DOCK5: variants seen among roughly 807,000 people sequenced by gnomAD.
DOCK5 encodes the protein dedicator of cytokinesis 5.
In DOCK5, 142 loss-of-function variants were observed where a neutral mutation model predicts 251.8. The observed-to-expected ratio is 0.56, with a 90% CI of 0.49 to 0.65. DOCK5 has a LOEUF of 0.65. DOCK5 is among the 30% of genes least tolerant of loss of function. The pLI is 0.00. For missense variants in DOCK5, 2,111 were observed against 2,312.3 expected (o/e 0.91, Z 1.79); for synonymous variants, 842 against 835.5 (o/e 1.01, Z -0.13).
intron 5 of DOCK5, among the ~76,000 whole-genome samples, chr8:25,282,548 C>T (rs73673880): frequency 0.035 from 5,374 of 152,162 alleles, 331 homozygotes; most frequent in African/African-American, 0.12. Flanking sequence ...CAACACCAGA[C>T]GCTCTGTTTG....
At chr8:25,194,568 TC>T (rs1330793176) in intron 1 of DOCK5, among the ~76,000 whole-genome samples, 4 of 151,868 alleles carry the variant, frequency 2.6e-5, no homozygotes, top group Non-Finnish European at 5.9e-5. Context: ...CCGCCTTGGC[TC>T]TCATTCCCAT....
chr8:25,263,066 C>T (rs1586275907), intron 2 of DOCK5, among the ~76,000 whole-genome samples: 1 of 151,926 alleles, frequency 6.6e-6, no homozygotes, highest in African/African-American at 2.4e-5. Flanking sequence ...AGAGCTAATT[C>T]CTTTTTTTCT....
chr8:25,315,641 C>T (rs1039501656), intron 13 of DOCK5, among the ~76,000 whole-genome samples: 2 of 152,238 alleles, frequency 1.3e-5, no homozygotes, highest in East Asian at 1.9e-4. Context: ...ATAAACACCG[C>T]AATGAATATC....
chr8:25,296,500 C>A lies in DOCK5; in HGVS notation c.471-13C>A. ...TGGTGAGGAGAACCAGCTGACTACT[C>A]CTTTCTCTCCAGAATGCTGGGGTTA... On this transcript the variant is annotated splice_polypyrimidine_tract_variant and intron_variant, in intron 6 of 51. Transcript: ENST00000276440. 5.0e-6 allele frequency: 8 copies of A among 1,604,456 alleles called. No individual in the cohort carries two copies. Among genetic ancestry groups the A allele is most frequent in the Non-Finnish European group, 6.8e-6 (8 of 1,175,470 alleles).
In DOCK5 at chr8:25,206,261, T is replaced by C. The variant is rs1424757070; in HGVS notation, c.43+21310T>C. Among the ~76,000 whole-genome samples the C allele has an allele frequency of 2.0e-5, 3 of 152,198 alleles. 1 individual carries two copies. Among genetic ancestry groups the C allele is most frequent in the Admixed American group, 2.0e-4 (3 of 15,280 alleles). ...TAAAGTGGAAAAGAGGGAAATGATA[T>C]AGATTTTGTCAGATTATGGGGAGAC... is the stretch of plus-strand genomic sequence containing the variant. On this transcript the variant is annotated intron_variant, in intron 1 of 51. Coordinates refer to ENST00000276440, the MANE Select transcript of DOCK5 (RefSeq NM_024940.8).
intron 21 of DOCK5, among the ~76,000 whole-genome samples, chr8:25,334,929 C>T (rs1357872910): frequency 3.3e-5 from 5 of 152,162 alleles, no homozygotes; most frequent in African/African-American, 1.2e-4. Context: ...ATTTCGTTTT[C>T]CCATCTTTTG....
intron 1 of DOCK5, among the ~76,000 whole-genome samples, chr8:25,221,317 G>T (rs1272839620): frequency 6.6e-6 from 1 of 152,000 alleles, no homozygotes; most frequent in African/African-American, 2.4e-5. Context: ...TTTTTTGTTT[G>T]TTTGTTTTTT....
At chr8:25,303,106 GAGA>G (rs1563194622) in intron 10 of DOCK5, among the ~76,000 whole-genome samples, 1 of 152,184 alleles carries the variant, frequency 6.6e-6, no homozygotes, top group East Asian at 1.9e-4. Flanking sequence ...AATAGAGGAA[GAGA>G]AGGAGGAAAG....
At chr8:25,363,223 T>A in intron 29 of DOCK5, 82 bp downstream of exon 29, 1 of 1,168,910 alleles carries the variant, frequency 8.6e-7, no homozygotes, top group Non-Finnish European at 1.3e-6. Flanking sequence ...TGTCTTTAAA[T>A]CCCTTTGCCT....
intron 48 of DOCK5, among the ~76,000 whole-genome samples, chr8:25,406,702 G>A (rs1008433634): frequency 6.6e-6 from 1 of 151,548 alleles, no homozygotes; most frequent in Non-Finnish European, 1.5e-5. Context: ...ATCTCGGCTC[G>A]CTGCAACCTC....
intron 1 of DOCK5, among the ~76,000 whole-genome samples, chr8:25,223,839 C>T (rs1028083274): frequency 3.5e-4 from 53 of 152,148 alleles, no homozygotes; most frequent in African/African-American, 1.2e-3. Context: ...CAGCGAGACC[C>T]TGTACTTTAT....
chr8:25,290,102 T>C (rs1329190505), intron 5 of DOCK5, among the ~76,000 whole-genome samples: 1 of 152,138 alleles, frequency 6.6e-6, no homozygotes, highest in Non-Finnish European at 1.5e-5. Flanking sequence ...TACTTTCTTA[T>C]TGCTGTCTTA....
intron 2 of DOCK5, 73 bp from the exon 3 acceptor site, chr8:25,268,772 A>C (rs900819259): frequency 2.2e-5 from 28 of 1,256,996 alleles, no homozygotes; most frequent in Non-Finnish European, 3.1e-5. Context: ...AGAACATGAG[A>C]GTATATATTG....
chr8:25,385,122 G>A lies in DOCK5; in HGVS notation c.4131+2344G>A, dbSNP rs1801141469. Among the ~76,000 whole-genome samples the A allele has an allele frequency of 2.6e-5, 4 of 152,258 alleles. 1 individual carries two copies. In the South Asian group the frequency reaches 8.3e-4, roughly 32 times the overall value. ...AGTGCAGCAGGCACAGAGAGAGCTG[G>A]GGTGCCAGCGGGGAGGCGGGGAGCC... On this transcript the variant is annotated intron_variant, in intron 40 of 51. Transcript: ENST00000276440.
chr8:25,384,659 C>G, intron 40 of DOCK5, among the ~76,000 whole-genome samples: 1 of 151,666 alleles, frequency 6.6e-6, no homozygotes, highest in African/African-American at 2.4e-5. Context: ...GGGGTTTCAC[C>G]ATGTTGGCCA....
At position 25,278,581 on chromosome 8, in the gene DOCK5, C is replaced by G; in HGVS notation, c.237C>G (p.Thr79=). ...ATVEDLGQHE[T]VIPGELPLVQ... ...TGGTTCTTTGTAGGCAGCATGAAAC[C>G]GTGATTCCTGGCGAGCTCCCCCTGG... The change falls in exon 5 of 52, where the codon ACC becomes ACG. Residue 79 remains threonine, a synonymous_variant. Transcript: ENST00000276440. The G allele has an allele frequency of 6.2e-7, 1 of 1,613,908 alleles. No individual in the cohort carries two copies. Among genetic ancestry groups the G allele is most frequent in the East Asian group, 2.2e-5 (1 of 44,844 alleles).
Position 25,359,049 on chromosome 8 carries a change from A to G in DOCK5, c.2937A>G (p.Arg979=), listed in dbSNP as rs1287177600. ...ACTACATCAGCACTTTCAAAACCAG[A>G]CAAGACATCATCGTAAGTTGCCTTT... The part of the protein sequence containing the change: ...YSHYISTFKT[R]QDIIDFLMET... Residue 979 remains arginine (R), a synonymous_variant, in exon 28 of 52, where the codon AGA becomes AGG. Coordinates refer to ENST00000276440, the MANE Select transcript of DOCK5 (RefSeq NM_024940.8). 2 of 1,613,930 alleles carry G rather than the reference A, an allele frequency of 1.2e-6. No individual in the cohort carries two copies. The highest frequency in any genetic ancestry group is 1.1e-5 in the South Asian group (1 of 91,082).
chr8:25,253,714 A>T (rs372394129), intron 2 of DOCK5, among the ~76,000 whole-genome samples: 3 of 152,186 alleles, frequency 2.0e-5, no homozygotes, highest in Non-Finnish European at 4.4e-5. Context: ...AGAGTCAGTT[A>T]TTATCTTTAA....
chr8:25,401,168 C>G, intron 47 of DOCK5, 102 bp downstream of exon 47: 1 of 1,493,060 alleles, frequency 6.7e-7, no homozygotes, highest in Non-Finnish European at 9.1e-7. Flanking sequence ...AATAACTTAG[C>G]TATGGCATGG....
Sources: allele counts gnomAD v4.1 joint callset (sites outside exome capture counted in the v4.1 genomes callset), GRCh38; gene constraint gnomAD v4.1.1; transcripts MANE v1.5; gene names NCBI Gene and HGNC (gene_info 2026-07-23, HGNC 2026-07-21).